SUGCT: variants seen among roughly 807,000 people sequenced by gnomAD.
SUGCT encodes the protein succinyl-CoA:glutarate CoA-transferase.
Under a neutral mutation model 55.0 loss-of-function variants are expected in SUGCT, and 41 were observed. That is an observed-to-expected ratio of 0.74 (90% confidence interval 0.58 to 0.97). The LOEUF (loss-of-function observed/expected upper bound fraction) is 0.97. Among genes scored for constraint, SUGCT ranks in the 50% least tolerant of loss-of-function variants. SUGCT has a pLI of 0.00. For synonymous variants in SUGCT, 187 were observed against 200.4 expected, an observed-to-expected ratio of 0.93 and a Z score of 0.56; for missense variants, 568 against 547.8, an observed-to-expected ratio of 1.04 and a Z score of -0.37.
chr7:40,933,133 G>A, the SUGCT span, among the ~76,000 whole-genome samples: 8 of 152,090 alleles, frequency 5.3e-5, no homozygotes, highest in Non-Finnish European at 1.2e-4. Context: ...GCCTGGTGGT[G>A]GCAACAATCT....
At chr7:40,235,184 C>G (rs1330663214) in intron 6 of SUGCT, among the ~76,000 whole-genome samples, 10 of 151,734 alleles carry the variant, frequency 6.6e-5, no homozygotes, top group Admixed American at 4.6e-4. Context: ...ATAATTTTAT[C>G]TGTGGAGTTT....
intron 9 of SUGCT, among the ~76,000 whole-genome samples, chr7:40,395,227 G>A (rs927878708): frequency 9.2e-5 from 14 of 152,020 alleles, no homozygotes; most frequent in Admixed American, 8.5e-4. Context: ...GGTGGCTCAC[G>A]CCTGCAATCC....
intron 6 of SUGCT, among the ~76,000 whole-genome samples, chr7:40,231,416 A>G (rs1453184161): frequency 2.0e-5 from 3 of 152,188 alleles, no homozygotes; most frequent in African/African-American, 7.2e-5. Context: ...CAAAAATATA[A>G]AAGTATCCAC....
the SUGCT span, among the ~76,000 whole-genome samples, chr7:40,942,235 C>T: frequency 4.6e-5 from 7 of 152,046 alleles, no homozygotes; most frequent in South Asian, 2.1e-4. Flanking sequence ...TCCTTTTAGC[C>T]GTTCTTATAG....
At chr7:40,604,807 C>G (rs978816396) in intron 12 of SUGCT, among the ~76,000 whole-genome samples, 1 of 152,212 alleles carries the variant, frequency 6.6e-6, no homozygotes, top group South Asian at 2.1e-4. Flanking sequence ...TTTGCCCTCT[C>G]CCTATTTGCT....
intron 9 of SUGCT, among the ~76,000 whole-genome samples, chr7:40,357,766 TTTC>T (rs1156826110): frequency 6.6e-6 from 1 of 152,138 alleles, no homozygotes; most frequent in Non-Finnish European, 1.5e-5. Flanking sequence ...TAAAATCTTT[TTTC>T]TTTTTTTTAA....
At chr7:40,368,208 T>G (rs966145693) in intron 9 of SUGCT, among the ~76,000 whole-genome samples, 1 of 152,170 alleles carries the variant, frequency 6.6e-6, no homozygotes, top group Non-Finnish European at 1.5e-5. Context: ...TATTTATTTA[T>G]TTATTTTTGA....
chr7:40,498,530 G>C (rs1261366033), intron 12 of SUGCT, among the ~76,000 whole-genome samples: 1 of 152,136 alleles, frequency 6.6e-6, no homozygotes, highest in Non-Finnish European at 1.5e-5. Context: ...AGGCTGACAA[G>C]CTCTATCTTC....
the SUGCT span, among the ~76,000 whole-genome samples, chr7:41,002,704 T>C: frequency 6.7e-4 from 102 of 152,356 alleles, no homozygotes; most frequent in South Asian, 0.019. Flanking sequence ...CTAGCTGGCA[T>C]GTATTTAATG....
chr7:40,483,272 T>C (rs572083226), intron 11 of SUGCT, among the ~76,000 whole-genome samples: 1 of 152,268 alleles, frequency 6.6e-6, no homozygotes, highest in Admixed American at 6.5e-5. Context: ...GTATAGGTAA[T>C]GCATGTATGG....
At chr7:40,884,302 AC>A in the SUGCT span, among the ~76,000 whole-genome samples, 1 of 152,202 alleles carries the variant, frequency 6.6e-6, no homozygotes, top group Non-Finnish European at 1.5e-5. Context: ...ATTTGTATCA[AC>A]ATTAATGCTT....
At chr7:40,330,093 C>A (rs1405280300) in intron 9 of SUGCT, among the ~76,000 whole-genome samples, 1 of 152,120 alleles carries the variant, frequency 6.6e-6, no homozygotes, top group Non-Finnish European at 1.5e-5. Context: ...CACAGCAACA[C>A]AGAATAAACA....
chr7:41,019,401 G>A, the SUGCT span, among the ~76,000 whole-genome samples: 1 of 152,120 alleles, frequency 6.6e-6, no homozygotes, highest in Non-Finnish European at 1.5e-5. Context: ...TGATCCTTGT[G>A]GATTGATTTA....
At chr7:40,934,540 T>C in the SUGCT span, among the ~76,000 whole-genome samples, 1 of 152,230 alleles carries the variant, frequency 6.6e-6, no homozygotes, top group African/African-American at 2.4e-5. Flanking sequence ...TATGCCCTGC[T>C]CACAGAGGTG....
chr7:40,601,582 C>T (rs1458346373), intron 12 of SUGCT, among the ~76,000 whole-genome samples: 2 of 152,172 alleles, frequency 1.3e-5, no homozygotes, highest in African/African-American at 2.4e-5. Flanking sequence ...GAACCTTACG[C>T]TTTGTCTTCT....
chr7:40,961,371 G>A, the SUGCT span, among the ~76,000 whole-genome samples: 12,991 of 152,044 alleles, frequency 0.085, 614 homozygotes, highest in African/African-American at 0.11. Context: ...AGTTAGCAAG[G>A]GAGTGAGGGA....
intron 13 of SUGCT, among the ~76,000 whole-genome samples, chr7:40,828,545 T>C (rs933563875): frequency 9.4e-5 from 14 of 148,688 alleles, no homozygotes; most frequent in African/African-American, 3.5e-4. Context: ...CTATTACCGT[T>C]ATATTCTAAA....
the SUGCT span, among the ~76,000 whole-genome samples, chr7:40,948,322 C>T: frequency 2.0e-5 from 3 of 152,284 alleles, no homozygotes; most frequent in African/African-American, 7.2e-5. Context: ...ACTAAAGCAA[C>T]TTTCAATAAG....
intron 12 of SUGCT, among the ~76,000 whole-genome samples, chr7:40,647,291 T>G (rs1056836943): frequency 2.0e-5 from 3 of 152,172 alleles, no homozygotes; most frequent in Non-Finnish European, 4.4e-5. Flanking sequence ...AGGGGTCACT[T>G]TCAGACTACT....
Sources: allele counts gnomAD v4.1 joint callset (sites outside exome capture counted in the v4.1 genomes callset), GRCh38; gene constraint gnomAD v4.1.1; transcripts MANE v1.5; gene names NCBI Gene and HGNC (gene_info 2026-07-23, HGNC 2026-07-21).